MSX2: variants seen among roughly 807,000 people sequenced by gnomAD.
MSX2 encodes the protein msh homeobox 2, also known as homeobox protein MSX-2.
In MSX2, 10 loss-of-function variants were observed where a neutral mutation model predicts 18.4. The observed-to-expected ratio is 0.54, with a 90% CI of 0.34 to 0.92. The LOEUF is 0.92. Ranked by LOEUF, MSX2 falls within the 40% of genes least tolerant of loss-of-function variation. MSX2 has a pLI of 0.02. For synonymous variants in MSX2, 170 were observed against 165.6 expected, an observed-to-expected ratio of 1.03 and a Z score of -0.20; for missense variants, 339 against 364.0, an observed-to-expected ratio of 0.93 and a Z score of 0.56.
intron 1 of MSX2, among the ~76,000 whole-genome samples, chr5:174,728,182 A>G (rs983076841): frequency 2.0e-5 from 3 of 152,184 alleles, no homozygotes; most frequent in African/African-American, 7.2e-5. Context: ...TGACAAACAA[A>G]TCATTTACAC....
chr5:174,726,491 A>G (rs1581518140), intron 1 of MSX2, among the ~76,000 whole-genome samples: 1 of 147,214 alleles, frequency 6.8e-6, no homozygotes, highest in East Asian at 2.1e-4. Flanking sequence ...TTTTCACCGT[A>G]TTATCTTATC....
chr5:174,729,445 C>G lies in MSX2; in HGVS notation c.666C>G (p.Leu222=). Residue 222 remains leucine (L), a synonymous_variant, in exon 2 of 2, where the codon CTC becomes CTG. Transcript: ENST00000239243. ...AKPMLPSSFS[L]PFPISSPLQA... is the part of the protein sequence containing the mutation. Reference sequence around the variant, plus strand: ...CTATGCTGCCCTCCAGCTTCAGTCTCCCTTTCCCCATCAGCTCGCCCCTGC... The same window carrying G: ...CTATGCTGCCCTCCAGCTTCAGTCTGCCTTTCCCCATCAGCTCGCCCCTGC... The G allele has an allele frequency of 1.2e-6, 2 of 1,614,064 alleles. No homozygotes were observed. The highest frequency in any genetic ancestry group is 1.7e-6 in the Non-Finnish European group (2 of 1,179,914).
rs111542301 is a variant in MSX2, at chr5:174,729,392, C to G, written c.613C>G (p.Leu205Val). Residue 205 changes from leucine to valine, a missense_variant, in exon 2 of 2, where the codon CTG (leucine) becomes GTG (valine). By Grantham distance (32) the Leu-to-Val change is conservative. Around this residue, in one of 2 missense-constraint regions of MSX2, gnomAD observed 128 missense variants for 178.6 expected, o/e 0.72. Coordinates refer to ENST00000239243, the MANE Select transcript of MSX2 (RefSeq NM_002449.5). ...AKAKRLQEAE[L>V]EKLKMAAKPM... Reference sequence around the variant, plus strand: ...GGCGAAAAGACTGCAGGAGGCAGAACTGGAAAAGCTGAAAATGGCTGCAAA... The same window carrying G: ...GGCGAAAAGACTGCAGGAGGCAGAAGTGGAAAAGCTGAAAATGGCTGCAAA... The G allele has an allele frequency of 6.2e-7, 1 of 1,614,208 alleles. No homozygotes were observed. The highest frequency in any genetic ancestry group is 2.2e-5 in the East Asian group (1 of 44,874).
chr5:174,724,609 C>T lies in MSX2; in HGVS notation c.-51C>T, dbSNP rs761284440. Reference sequence around the variant, plus strand: ...AGCAAAAAAGTTTGAGTCGCCGCTGCCGGGTTGCCAGCGGAGTCGCGCGTC... The same window carrying T: ...AGCAAAAAAGTTTGAGTCGCCGCTGTCGGGTTGCCAGCGGAGTCGCGCGTC... On this transcript the variant is annotated 5_prime_UTR_variant, in exon 1 of 2. Transcript: ENST00000239243. 2.6e-6 allele frequency: 4 copies of T among 1,553,640 alleles called. No homozygotes were observed. The highest frequency in any genetic ancestry group is 1.9e-5 in the Admixed American group (1 of 51,950).
At chr5:174,728,791 T>A (rs573474671) in intron 1 of MSX2, among the ~76,000 whole-genome samples, 2 of 151,874 alleles carry the variant, frequency 1.3e-5, no homozygotes, top group Non-Finnish European at 2.9e-5. Flanking sequence ...GTTTTCCATA[T>A]AGAAGGTTCA....
intron 1 of MSX2, 63 bp from the exon 2 acceptor site, chr5:174,729,096 T>C: frequency 6.5e-7 from 1 of 1,546,686 alleles, no homozygotes; most frequent in East Asian, 2.3e-5. Context: ...GGAGATGGGT[T>C]TTTTTTAGTA....
intron 1 of MSX2, among the ~76,000 whole-genome samples, chr5:174,726,522 G>A (rs549475588): frequency 1.3e-5 from 2 of 150,704 alleles, no homozygotes; most frequent in East Asian, 4.0e-4. Flanking sequence ...GGCAGCAGCC[G>A]GCCTCTTAAC....
In MSX2 at chr5:174,729,155, C is replaced by G. The variant is rs772197602; in HGVS notation, c.380-4C>G. 6.2e-7 allele frequency: 1 copy of G among 1,613,624 alleles called. No individual in the cohort carries two copies. The highest frequency in any genetic ancestry group is 8.5e-7 in the Non-Finnish European group (1 of 1,179,648). ...GCTAATCCGCTCCTCTCTCTGTTCTCTAGGACATATGAGCCCTACCACCTG... is the reference window on the plus strand; with the variant it reads ...GCTAATCCGCTCCTCTCTCTGTTCTGTAGGACATATGAGCCCTACCACCTG... On this transcript the variant is annotated splice_polypyrimidine_tract_variant and splice_region_variant and intron_variant, in intron 1 of 1. Coordinates refer to ENST00000239243, the MANE Select transcript of MSX2 (RefSeq NM_002449.5).
rs1418090478 is a variant in MSX2, at chr5:174,724,731, A to G, written c.72A>G (p.Pro24=). The part of the protein sequence containing the change: ...DEEGPAVVAG[P]GPGPGGAEGA... ...AGGGCCCAGCAGTGGTGGCCGGACC[A>G]GGCCCGGGGCCTGGGGGCGCCGAGG... is the stretch of plus-strand genomic sequence containing the variant. Residue 24 remains proline, a synonymous_variant, in exon 1 of 2, where the codon CCA becomes CCG. Transcript: ENST00000239243. The G allele has an allele frequency of 1.3e-6, 2 of 1,588,052 alleles. No individual in the cohort carries two copies. Among genetic ancestry groups the G allele is most frequent in the African/African-American group, 1.3e-5 (1 of 74,486 alleles).
chr5:174,725,218 C>A (rs541611807), intron 1 of MSX2, among the ~76,000 whole-genome samples, 180 bp downstream of exon 1: 3 of 152,332 alleles, frequency 2.0e-5, no homozygotes, highest in Non-Finnish European at 4.4e-5. Context: ...AGTGCGCCGT[C>A]CGCATCCAAG....
intron 1 of MSX2, 168 bp downstream of exon 1, chr5:174,725,206 C>T (rs961964181): frequency 9.2e-7 from 1 of 1,084,892 alleles, no homozygotes; most frequent in South Asian, 1.7e-5. Flanking sequence ...TTCGGCGCGC[C>T]CAGTGCGCCG....
Position 174,730,258 on chromosome 5 carries a change from T to C in MSX2, c.*675T>C, listed in dbSNP as rs1760900866. On this transcript the variant is annotated 3_prime_UTR_variant, in exon 2 of 2. Coordinates refer to ENST00000239243, the MANE Select transcript of MSX2 (RefSeq NM_002449.5). ...ACCACACACATATTTTTAAAGTTTTTCCTTTTTTAAGAATATTTTTGTAAG... is the reference window on the plus strand; with the variant it reads ...ACCACACACATATTTTTAAAGTTTTCCCTTTTTTAAGAATATTTTTGTAAG... 1 of 152,148 alleles carries C rather than the reference T, an allele frequency of 6.6e-6. No individual in the cohort carries two copies. The highest frequency in any genetic ancestry group is 1.5e-5 in the Non-Finnish European group (1 of 68,056). The allele number at this position is 152,148 out of a possible 1,614,324, so 9.4% of individuals were successfully genotyped here. A position where few individuals can be genotyped will look rare whatever the true frequency, so the allele number is the denominator to read the frequency against.
intron 1 of MSX2, among the ~76,000 whole-genome samples, chr5:174,728,392 G>A (rs1303232973): frequency 6.7e-6 from 1 of 149,250 alleles, no homozygotes; most frequent in South Asian, 2.2e-4. Context: ...ATGATGTTCA[G>A]ATTTTATAAT....
At chr5:174,726,973 T>C (rs1172970920) in intron 1 of MSX2, among the ~76,000 whole-genome samples, 1 of 152,054 alleles carries the variant, frequency 6.6e-6, no homozygotes, top group Admixed American at 6.6e-5. Context: ...GGCTGTGACC[T>C]TCCCATGAAA....
At position 174,729,827 on chromosome 5, in the gene MSX2, G is replaced by A. The variant is rs2113499691; in HGVS notation, c.*244G>A. 2.9e-6 allele frequency: 1 copy of A among 348,178 alleles called. No homozygotes were observed. Among genetic ancestry groups the A allele is most frequent in the East Asian group, 4.7e-5 (1 of 21,142 alleles). The allele number at this position is 348,178 out of a possible 1,614,324, so 21.6% of individuals were successfully genotyped here. On this transcript the variant is annotated 3_prime_UTR_variant, in exon 2 of 2. Transcript: ENST00000239243. ...TTTTCCTTTCACAAAGATTGGCTCTGATGGTTTTTATGTATAAATATATAT... is the reference window on the plus strand; with the variant it reads ...TTTTCCTTTCACAAAGATTGGCTCTAATGGTTTTTATGTATAAATATATAT...
intron 1 of MSX2, among the ~76,000 whole-genome samples, chr5:174,728,029 C>T (rs1760841270): frequency 1.3e-5 from 2 of 152,184 alleles, no homozygotes; most frequent in African/African-American, 4.8e-5. Context: ...CGCCCACCCA[C>T]CCTTGAGGAA....
intron 1 of MSX2, among the ~76,000 whole-genome samples, chr5:174,728,666 T>A (rs1760854496): frequency 6.6e-6 from 1 of 152,216 alleles, no homozygotes; most frequent in Admixed American, 6.5e-5. Context: ...TGGTCTCCCA[T>A]TTTTAAAGAG....
chr5:174,726,055 A>G (rs1397440648), intron 1 of MSX2, among the ~76,000 whole-genome samples: 1 of 152,102 alleles, frequency 6.6e-6, no homozygotes, highest in Non-Finnish European at 1.5e-5. Flanking sequence ...CCTGCACCCC[A>G]CTTGAGAATT....
rs531764887 is a variant in MSX2 at position 174,724,911 on chromosome 5, C to T, written c.252C>T (p.His84=). The stretch of plus-strand genomic sequence containing the variant: ...TGCGGCCACTGCTGCTGTCGGGGCA[C>T]GGCGCTCGGGAAGCGCACAGCCCCG... ...ATLRPLLLSG[H]GAREAHSPGP... The change falls in exon 1 of 2, where the codon CAC becomes CAT. Residue 84 remains histidine (H), a synonymous_variant. Transcript: ENST00000239243. 10 of 1,574,524 alleles carry T rather than the reference C, an allele frequency of 6.4e-6. No homozygotes were observed. The highest frequency in any genetic ancestry group is 5.8e-5 in the South Asian group (5 of 86,146).
Sources: gnomAD v4.1 joint callset for allele counts (sites outside exome capture counted in the v4.1 genomes callset) on GRCh38, gnomAD v4.1.1 for gene constraint, gnomAD v4.1.1 regional missense constraint, MANE v1.5 for transcripts, NCBI Gene and HGNC (gene_info 2026-07-23, HGNC 2026-07-21) for gene names.